The following CD72 variants were observed in gnomAD, a reference collection of about 807,000 sequenced individuals.
CD72 encodes the protein B-cell differentiation antigen CD72.
A neutral mutation model predicts 50.7 loss-of-function variants in CD72; 28 were observed. That is an observed-to-expected ratio of 0.55 (90% confidence interval 0.41 to 0.76). The LOEUF is 0.76. Among genes scored for constraint, CD72 ranks in the 30% least tolerant of loss-of-function variants. The pLI is 0.00. For synonymous variants in CD72, 176 were observed against 171.2 expected (o/e 1.03, Z -0.22); for missense variants, 403 against 420.6 (o/e 0.96, Z 0.37).
chr9:35,620,337 G>A (rs766656904), upstream of CD72, among the ~76,000 whole-genome samples: 3 of 152,062 alleles, frequency 2.0e-5, no homozygotes, highest in Non-Finnish European at 2.9e-5. Context: ...TGGTGTGGTG[G>A]CTCGAACCTG....
At chr9:35,624,770 C>A (rs967638589) in intron 1 of CD72, among the ~76,000 whole-genome samples, 2 of 152,202 alleles carry the variant, frequency 1.3e-5, no homozygotes, top group African/African-American at 4.8e-5. Flanking sequence ...TGTGTCATCA[C>A]ATTTTGGTAA....
upstream of CD72, among the ~76,000 whole-genome samples, chr9:35,622,623 C>T (rs942806772): frequency 1.3e-5 from 2 of 151,994 alleles, no homozygotes; most frequent in East Asian, 1.9e-4. Flanking sequence ...CCCGTCTCTA[C>T]TAATAATACA....
At chr9:35,621,485 G>C (rs1020488705), upstream of CD72, among the ~76,000 whole-genome samples, 1 of 152,170 alleles carries the variant, frequency 6.6e-6, no homozygotes, top group African/African-American at 2.4e-5. Flanking sequence ...CTGGCCTCCG[G>C]GAAGCCCTAG....
chr9:35,625,153 G>C (rs115812272), intron 1 of CD72, among the ~76,000 whole-genome samples: 8,341 of 152,308 alleles, frequency 0.055, 303 homozygotes, highest in African/African-American at 0.1. Flanking sequence ...TAGGCCAAAA[G>C]CTAGGCCTCT....
At chr9:35,623,823 A>G (rs1026787954), upstream of CD72, among the ~76,000 whole-genome samples, 1 of 152,194 alleles carries the variant, frequency 6.6e-6, no homozygotes, top group Non-Finnish European at 1.5e-5. Flanking sequence ...CTGAGGCAAG[A>G]GAATAGCTTG....
upstream of CD72, among the ~76,000 whole-genome samples, chr9:35,620,724 G>A (rs1823139836): frequency 6.6e-6 from 1 of 152,082 alleles, no homozygotes; most frequent in Non-Finnish European, 1.5e-5. Flanking sequence ...CAGCTACTAG[G>A]GAGGCTGAGA....
At chr9:35,630,040 T>TTC (rs1823229545) in intron 1 of CD72, among the ~76,000 whole-genome samples, 1 of 149,330 alleles carries the variant, frequency 6.7e-6, no homozygotes, top group African/African-American at 2.5e-5. Flanking sequence ...TCTTTTCTTT[T>TTC]TTTTTTTTTT....
At position 35,616,655 on chromosome 9, in the gene CD72, G is replaced by A. The variant is rs1587902380; in HGVS notation, c.297C>T (p.Gly99=). The A allele has an allele frequency of 6.2e-7, 1 of 1,614,002 alleles. No individual in the cohort carries two copies. The change falls in exon 4 of 9, where the codon GGC becomes GGT. Residue 99 remains glycine, a synonymous_variant. Coordinates refer to ENST00000259633, the MANE Select transcript of CD72 (RefSeq NM_001782.3). ...CTAACAGCAGGCAGGTGAGGAGCAG[G>A]CCGAGCAGGAGGTATCGCAGGCAGG... The part of the protein sequence containing the change: ...RTTCLRYLLL[G]LLLTCLLLGV...
At chr9:35,614,137 T>C (rs1478607232) in intron 5 of CD72, among the ~76,000 whole-genome samples, 2 of 152,194 alleles carry the variant, frequency 1.3e-5, no homozygotes, top group African/African-American at 2.4e-5. Flanking sequence ...TTTTATATTA[T>C]GAGGAAGAGA....
At chr9:35,615,837 C>T (rs1823054788) in intron 5 of CD72, 106 bp downstream of exon 5, 1 of 856,256 alleles carries the variant, frequency 1.2e-6, no homozygotes, top group Non-Finnish European at 1.8e-6. Context: ...TGGTTCACTG[C>T]CCCTTTCCTG....
At chr9:35,629,580 T>A (rs1239820585) in intron 1 of CD72, among the ~76,000 whole-genome samples, 1 of 152,216 alleles carries the variant, frequency 6.6e-6, no homozygotes, top group Non-Finnish European at 1.5e-5. Context: ...CTGAAAGGTG[T>A]TGTCTTTGCT....
At chr9:35,637,201 A>T (rs1823298538) in intron 1 of CD72, among the ~76,000 whole-genome samples, 2 of 152,136 alleles carry the variant, frequency 1.3e-5, no homozygotes, top group African/African-American at 4.8e-5. Context: ...CCTATCCCAA[A>T]ACTATAAAAA....
chr9:35,621,043 G>A (rs1473434158), upstream of CD72, among the ~76,000 whole-genome samples: 1 of 152,174 alleles, frequency 6.6e-6, no homozygotes, highest in African/African-American at 2.4e-5. Flanking sequence ...TTCCCCACGT[G>A]TGTCACTTGG....
chr9:35,622,079 G>A (rs1823150671), upstream of CD72, among the ~76,000 whole-genome samples: 1 of 152,236 alleles, frequency 6.6e-6, no homozygotes, highest in South Asian at 2.1e-4. Flanking sequence ...AAAGAGACCA[G>A]CCTTGCCACA....
chr9:35,634,645 G>A (rs956135715), intron 1 of CD72, among the ~76,000 whole-genome samples: 2 of 152,136 alleles, frequency 1.3e-5, no homozygotes, highest in African/African-American at 2.4e-5. Flanking sequence ...GAGCCACCGC[G>A]GCTGGCCAAA....
intron 4 of CD72, 28 bp downstream of exon 4, chr9:35,616,566 GGTGTAA>G: frequency 1.3e-6 from 2 of 1,534,460 alleles, no homozygotes; most frequent in Non-Finnish European, 1.8e-6. Context: ...AAAGTCGTTC[GGTGTAA>G]GTGGGAAGTA....
intron 3 of CD72, 72 bp from the exon 4 acceptor site, chr9:35,616,761 G>T: frequency 2.3e-6 from 3 of 1,317,154 alleles, no homozygotes; most frequent in East Asian, 2.4e-5. Flanking sequence ...GGACAGGTCC[G>T]TGGGGGAGAC....
chr9:35,631,972 G>T (rs1331820804), intron 1 of CD72, among the ~76,000 whole-genome samples: 1 of 152,134 alleles, frequency 6.6e-6, no homozygotes, highest in African/African-American at 2.4e-5. Flanking sequence ...CATATCTGGT[G>T]CCATGTGAAT....
At chr9:35,633,245 C>T (rs575450953) in intron 1 of CD72, among the ~76,000 whole-genome samples, 1 of 150,034 alleles carries the variant, frequency 6.7e-6, no homozygotes, top group East Asian at 1.9e-4. Context: ...CCTGGGCCTT[C>T]TTAGTATTTT....
Sources: gnomAD v4.1 joint callset for allele counts (sites outside exome capture counted in the v4.1 genomes callset) on GRCh38, gnomAD v4.1.1 for gene constraint, MANE v1.5 for transcripts, NCBI Gene and HGNC (gene_info 2026-07-23, HGNC 2026-07-21) for gene names.